Variants in MS4A4E observed in about 807,000 individuals in gnomAD.
The protein encoded by MS4A4E is putative membrane-spanning 4-domains subfamily A member 4E.
Under a neutral mutation model 13.3 loss-of-function variants are expected in MS4A4E, and 23 were observed. The ratio of observed to expected loss-of-function variants is 1.73; its 90% CI spans 1.25 to 2.45. MS4A4E has a LOEUF of 2.45. MS4A4E is among the 30% of genes most tolerant of loss of function. The pLI is 0.00. For synonymous variants in MS4A4E, 36 were observed against 45.6 expected (o/e 0.79, Z 0.85); for missense variants, 144 against 131.2 (o/e 1.10, Z -0.48).
intron 4 of MS4A4E, among the ~76,000 whole-genome samples, chr11:60,213,855 A>G (rs1255331559): frequency 1.3e-5 from 2 of 151,564 alleles, no homozygotes; most frequent in Admixed American, 1.3e-4. Flanking sequence ...TTTATTGTGA[A>G]TTTCTTATAT....
intron 1 of MS4A4E, among the ~76,000 whole-genome samples, chr11:60,232,321 A>ACACACACACACACACACAC (rs556719466): frequency 7.5e-5 from 11 of 147,318 alleles, no homozygotes; most frequent in South Asian, 2.2e-4. Flanking sequence ...ACACACACAC[A>ACACACACACACACACACAC]CCAAAAATGA....
chr11:60,230,066 A>T lies in MS4A4E; in HGVS notation c.-11T>A. The stretch of plus-strand genomic sequence containing the variant: ...TTGCATGGTTGTCATGGCAGCAGAA[A>T]AGGTGCTACAATAAGAAATGTAATT... On this transcript the variant is annotated 5_prime_UTR_variant, in exon 2 of 9. Coordinates refer to ENST00000651255, the MANE Select transcript of MS4A4E (RefSeq NM_001393391.1). 6.3e-7 allele frequency: 1 copy of T among 1,576,466 alleles called. No homozygotes were observed. The highest frequency in any genetic ancestry group is 1.4e-5 in the African/African-American group (1 of 72,566).
chr11:60,235,697 T>G (rs2084474313), intron 1 of MS4A4E, among the ~76,000 whole-genome samples: 1 of 152,240 alleles, frequency 6.6e-6, no homozygotes, highest in East Asian at 1.9e-4. Context: ...TGGGCTTTTT[T>G]GTAATGACTT....
intron 3 of MS4A4E, chr11:60,224,877 A>C: frequency 8.7e-7 from 1 of 1,150,672 alleles, no homozygotes; most frequent in South Asian, 3.1e-5. Flanking sequence ...CAGAATTACA[A>C]GATAGAATTA....
intron 5 of MS4A4E, among the ~76,000 whole-genome samples, chr11:60,209,804 A>C (rs57733268): frequency 4.1e-4 from 63 of 152,332 alleles, no homozygotes; most frequent in African/African-American, 1.5e-3. Context: ...ATGGTTAGGG[A>C]TAGTCCCTCT....
Position 60,228,637 on chromosome 11 carries a change from G to A in MS4A4E, c.145-10C>T. The A allele has an allele frequency of 1.4e-6, 1 of 696,884 alleles. No individual in the cohort carries two copies. Among genetic ancestry groups the A allele is most frequent in the Non-Finnish European group, 2.6e-6 (1 of 382,322 alleles). 43.2% of individuals were successfully genotyped at this position (696,884 alleles called of 1,614,324 possible). A position where few individuals can be genotyped will look rare whatever the true frequency, so the allele number is the denominator to read the frequency against. ...TATGTCCACACAAAACCTGCACACA[G>A]ATATTTATAGCAACGTTACTCCTAA... On this transcript the variant is annotated splice_polypyrimidine_tract_variant and intron_variant, in intron 2 of 8. Transcript: ENST00000651255.
At chr11:60,229,563 T>C (rs549689975) in intron 2 of MS4A4E, among the ~76,000 whole-genome samples, 1 of 152,312 alleles carries the variant, frequency 6.6e-6, no homozygotes, top group South Asian at 2.1e-4. Context: ...AGTAGCAATA[T>C]ACATCTATCA....
At chr11:60,212,916 C>G (rs1022457058) in intron 5 of MS4A4E, among the ~76,000 whole-genome samples, 58 bp downstream of exon 5, 16 of 152,264 alleles carry the variant, frequency 1.1e-4, no homozygotes, top group African/African-American at 3.9e-4. Flanking sequence ...TTGCCAGAGC[C>G]AGCACTCCCC....
At chr11:60,206,316 C>T (rs2084041314) in intron 6 of MS4A4E, among the ~76,000 whole-genome samples, 1 of 151,212 alleles carries the variant, frequency 6.6e-6, no homozygotes, top group Admixed American at 6.6e-5. Flanking sequence ...TATATAAAGT[C>T]CTAATGATGA....
rs564984784 is a variant in MS4A4E, at chr11:60,220,843, C to A, written c.179-6229G>T. On this transcript the variant is annotated intron_variant, in intron 3 of 8. Transcript: ENST00000651255. ...ATTTGGGTTTTGGAGGCCACACATTCGTTACCTGGGGGTGTTACTTGGCCC... is the reference window on the plus strand; with the variant it reads ...ATTTGGGTTTTGGAGGCCACACATTAGTTACCTGGGGGTGTTACTTGGCCC... 6.6e-5 allele frequency among the ~76,000 whole-genome samples: 10 copies of A among 152,276 alleles called. No individual in the cohort carries two copies. In the South Asian group the frequency reaches 1.5e-3, roughly 22 times the overall value.
intron 1 of MS4A4E, among the ~76,000 whole-genome samples, chr11:60,242,106 T>A (rs2084559729): frequency 3.3e-5 from 5 of 152,112 alleles, no homozygotes; most frequent in Admixed American, 3.3e-4. Context: ...GAGGCCTGAA[T>A]CTGGATGGTT....
chr11:60,235,775 A>G (rs2084475324), intron 1 of MS4A4E, among the ~76,000 whole-genome samples: 1 of 152,210 alleles, frequency 6.6e-6, no homozygotes, highest in South Asian at 2.1e-4. Context: ...ATTTAAGACC[A>G]AAAATAAGGC....
chr11:60,212,374 A>G (rs2084133656), intron 5 of MS4A4E, among the ~76,000 whole-genome samples: 2 of 147,800 alleles, frequency 1.4e-5, no homozygotes, highest in South Asian at 4.3e-4. Flanking sequence ...CAGTGGCACT[A>G]TCTCGGCTCA....
chr11:60,206,250 T>C (rs1355034083), intron 6 of MS4A4E, among the ~76,000 whole-genome samples: 1 of 151,952 alleles, frequency 6.6e-6, no homozygotes, highest in Non-Finnish European at 1.5e-5. Context: ...GACCTCGTTT[T>C]AGCAATACCT....
At position 60,216,772 on chromosome 11, in the gene MS4A4E, T is replaced by C. The variant is rs369931065; in HGVS notation, c.179-2158A>G. Among the ~76,000 whole-genome samples, 5 of 152,178 alleles carry C rather than the reference T, an allele frequency of 3.3e-5. No individual in the cohort carries two copies. The East Asian group carries it at 7.7e-4, about 24-fold the overall frequency. ...TCTGTGAGGGTGTTGACAAAGGAGA[T>C]TAACATTTGAGTTGGTGGACTAGGA... is the stretch of plus-strand genomic sequence containing the variant. On this transcript the variant is annotated intron_variant, in intron 3 of 8. Coordinates refer to ENST00000651255, the MANE Select transcript of MS4A4E (RefSeq NM_001393391.1).
Position 60,242,614 on chromosome 11 carries a change from G to T in MS4A4E, c.-17+344C>A, listed in dbSNP as rs187020176. ...TGGAAGAAGTGCATTAACAGTAGAT[G>T]AGGTAATTAATCAAAGTTTAAAATG... is the stretch of plus-strand genomic sequence containing the variant. On this transcript the variant is annotated intron_variant, in intron 1 of 8. Coordinates refer to ENST00000651255, the MANE Select transcript of MS4A4E (RefSeq NM_001393391.1). 8.6e-4 allele frequency among the ~76,000 whole-genome samples: 131 copies of T among 152,292 alleles called. 1 individual carries two copies. Among genetic ancestry groups the T allele is most frequent in the African/African-American group, 3.0e-3 (124 of 41,562 alleles).
chr11:60,220,740 T>C (rs2084259768), intron 3 of MS4A4E, among the ~76,000 whole-genome samples: 1 of 152,202 alleles, frequency 6.6e-6, no homozygotes, highest in African/African-American at 2.4e-5. Context: ...AAGATGTTCC[T>C]TCTAAGGTGA....
intron 1 of MS4A4E, among the ~76,000 whole-genome samples, 172 bp from the exon 2 acceptor site, chr11:60,230,243 G>GGA (rs148003605): frequency 4.0e-5 from 6 of 149,822 alleles, no homozygotes; most frequent in Non-Finnish European, 8.9e-5. Context: ...AGTGGGGGGT[G>GGA]GAGAGAGAGA....
rs1590698683 is a variant in MS4A4E, at chr11:60,200,931, A to G, written c.*612T>C. ...GGCCGGGCGGGGGGCTGACCCCTCC[A>G]CCTCCCTCCCGGACGGGGCGGCTGG... On this transcript the variant is annotated 3_prime_UTR_variant, in exon 9 of 9. Transcript: ENST00000651255. 8.4e-6 allele frequency among the ~76,000 whole-genome samples: 1 copy of G among 119,066 alleles called. No individual in the cohort carries two copies. Among genetic ancestry groups the G allele is most frequent in the Non-Finnish European group, 1.8e-5 (1 of 56,844 alleles). 78.1% of individuals were successfully genotyped at this position (119,066 alleles called of 152,430 possible). A position where few individuals can be genotyped will look rare whatever the true frequency, so the allele number is the denominator to read the frequency against.
Sources: allele counts gnomAD v4.1 joint callset (sites outside exome capture counted in the v4.1 genomes callset), GRCh38; gene constraint gnomAD v4.1.1; transcripts MANE v1.5; gene names NCBI Gene and HGNC (gene_info 2026-07-23, HGNC 2026-07-21).